Variants in APOO observed in about 807,000 individuals in gnomAD.
The protein encoded by APOO is MICOS complex subunit MIC26.
APOO carries 11 observed loss-of-function variants against 23.1 expected under a neutral mutation model. The ratio of observed to expected loss-of-function variants is 0.48; its 90% confidence interval spans 0.30 to 0.79. APOO has a LOEUF of 0.79. Among genes scored for constraint, APOO ranks in the 30% least tolerant of loss-of-function variants. The probability of loss-of-function intolerance (pLI) is 0.07; values close to 1 mark genes in which losing one functional copy is unlikely to be tolerated. For missense variants in APOO, 160 were observed against 142.7 expected, an observed-to-expected ratio of 1.12 and a Z score of -0.62; for synonymous variants, 59 against 54.8, an observed-to-expected ratio of 1.08 and a Z score of -0.34.
At chrX:23,842,636 A>C (rs1049985874) in intron 7 of APOO, among the ~76,000 whole-genome samples, 4 of 111,933 alleles carry the variant, frequency 3.6e-5, no homozygotes, top group African/African-American at 1.3e-4. Context: ...CAGACTAATG[A>C]AGAACAAGAA....
chrX:23,858,950 A>T (rs1163280863), intron 5 of APOO, among the ~76,000 whole-genome samples: 2 of 111,396 alleles, frequency 1.8e-5, no homozygotes, highest in East Asian at 5.6e-4. Flanking sequence ...AGATTAAAAT[A>T]AAAAAATTAG....
At chrX:23,881,057 G>A (rs753328753) in intron 1 of APOO, 105 bp from the exon 2 acceptor site, 2 of 381,755 alleles carry the variant, frequency 5.2e-6, no homozygotes, top group Non-Finnish European at 8.5e-6. Flanking sequence ...AAGGCTTACT[G>A]TGCTTTATTT....
intron 8 of APOO, among the ~76,000 whole-genome samples, 159 bp from the exon 9 acceptor site, chrX:23,833,771 C>A (rs1923521725): frequency 9.0e-6 from 1 of 111,526 alleles, no homozygotes; most frequent in Admixed American, 9.6e-5. Context: ...CACCTGAGGT[C>A]AGAAGTTCGA....
intron 7 of APOO, among the ~76,000 whole-genome samples, chrX:23,846,459 T>G (rs922894221): frequency 2.8e-5 from 3 of 108,448 alleles, no homozygotes; most frequent in Non-Finnish European, 5.7e-5. Context: ...CTGTCTCTAC[T>G]AAAAATACAA....
In APOO at chrX:23,842,869, A is replaced by G. The variant is rs187049073; in HGVS notation, c.562-2492T>C. Among the ~76,000 whole-genome samples the G allele has an allele frequency of 6.0e-3, 671 of 111,452 alleles. 8 individuals carry two copies. Among genetic ancestry groups the G allele is most frequent in the African/African-American group, 0.021 (635 of 30,695 alleles). The stretch of plus-strand genomic sequence containing the variant: ...ACTAAAAATACAAAATTAGCAGGGC[A>G]TGGTGGCGCATGCCTGTAATCCCAG... On this transcript the variant is annotated intron_variant, in intron 7 of 8. Transcript: ENST00000379226.
chrX:23,851,247 G>A (rs758517226), intron 7 of APOO, among the ~76,000 whole-genome samples: 89 of 109,759 alleles, frequency 8.1e-4, no homozygotes, highest in African/African-American at 2.9e-3. Flanking sequence ...AGGCTGGAGT[G>A]CAGTGGCGCG....
chrX:23,876,513 A>T lies in APOO; in HGVS notation c.238-2056T>A, dbSNP rs776815430. Among the ~76,000 whole-genome samples, 7 of 110,039 alleles carry T rather than the reference A, an allele frequency of 6.4e-5. No homozygotes were observed. The South Asian group carries it at 2.7e-3, about 42-fold the overall frequency. ...GCTTAATATTTTTACTATTAAAAAA[A>T]ATTAAGGCCGGGCACAGTGGGTCAT... On this transcript the variant is annotated intron_variant, in intron 3 of 8. Coordinates refer to ENST00000379226, the MANE Select transcript of APOO (RefSeq NM_024122.5).
At chrX:23,860,002 A>G (rs1924947150) in intron 5 of APOO, among the ~76,000 whole-genome samples, 1 of 111,803 alleles carries the variant, frequency 8.9e-6, no homozygotes. Context: ...TTAAAAAAAC[A>G]GTAAGAAAAA....
chrX:23,842,964 C>T (rs1300825546), intron 7 of APOO, among the ~76,000 whole-genome samples: 2 of 111,796 alleles, frequency 1.8e-5, no homozygotes, highest in Non-Finnish European at 3.8e-5. Context: ...GCCAAGATCA[C>T]GCCATTGCAC....
At chrX:23,867,555 T>C (rs964681126) in intron 5 of APOO, among the ~76,000 whole-genome samples, 1 of 111,448 alleles carries the variant, frequency 9.0e-6, no homozygotes, top group African/African-American at 3.3e-5. Context: ...CTTTTTTTTT[T>C]CTTTTGAGAC....
At chrX:23,840,876 T>G (rs1346394763) in intron 7 of APOO, 3 of 112,232 alleles carry the variant, frequency 2.7e-5, no homozygotes, top group African/African-American at 9.7e-5. Context: ...ACATGTTTAC[T>G]CTGAAAGAAG....
chrX:23,881,059 G>A (rs929787165), intron 1 of APOO, 107 bp from the exon 2 acceptor site: 38 of 375,133 alleles, frequency 1.0e-4, no homozygotes, highest in Middle Eastern at 4.1e-4. Flanking sequence ...GGCTTACTGT[G>A]CTTTATTTTA....
At chrX:23,859,839 C>CTTT (rs768243906) in intron 5 of APOO, among the ~76,000 whole-genome samples, 49 of 111,281 alleles carry the variant, frequency 4.4e-4, no homozygotes, top group African/African-American at 1.3e-3. Flanking sequence ...AAAAGAACAC[C>CTTT]TTTTTTTCCC....
At chrX:23,838,357 C>CAAAAAAA (rs764414297) in intron 8 of APOO, among the ~76,000 whole-genome samples, 6 of 20,030 alleles carry the variant, frequency 3.0e-4, no homozygotes, top group African/African-American at 2.3e-3. Flanking sequence ...AACTCTATCT[C>CAAAAAAA]AAAAAAAAAA....
At chrX:23,877,124 T>C (rs1430871258) in intron 3 of APOO, among the ~76,000 whole-genome samples, 1 of 109,820 alleles carries the variant, frequency 9.1e-6, no homozygotes, top group African/African-American at 3.3e-5. Context: ...AGTACTTTTA[T>C]TGCCAAAAAA....
At chrX:23,848,803 A>G (rs1347670486) in intron 7 of APOO, among the ~76,000 whole-genome samples, 1 of 103,166 alleles carries the variant, frequency 9.7e-6, no homozygotes, top group Non-Finnish European at 2.0e-5. Context: ...CTCCTGACTG[A>G]GTCTCCTGAG....
chrX:23,867,605 C>T (rs1320150479), intron 5 of APOO, among the ~76,000 whole-genome samples: 2 of 111,245 alleles, frequency 1.8e-5, no homozygotes, highest in African/African-American at 3.3e-5. Flanking sequence ...TGCAGTGGCT[C>T]GAACTCAGCT....
chrX:23,875,235 CAA>C (rs779963617), intron 3 of APOO, among the ~76,000 whole-genome samples: 7 of 80,366 alleles, frequency 8.7e-5, no homozygotes, highest in Admixed American at 1.4e-4. Context: ...GGGCGTGTCT[CAA>C]AAAAAAAAAA....
chrX:23,874,508 T>C, intron 3 of APOO, 51 bp from the exon 4 acceptor site: 2 of 1,017,570 alleles, frequency 2.0e-6, no homozygotes, highest in South Asian at 1.9e-5. Context: ...ATCTGCTGAT[T>C]AGAAAGTTAA....
Sources: gnomAD v4.1 joint callset for allele counts (sites outside exome capture counted in the v4.1 genomes callset) on GRCh38, gnomAD v4.1.1 for gene constraint, MANE v1.5 for transcripts, NCBI Gene and HGNC (gene_info 2026-07-23, HGNC 2026-07-21) for gene names.